The following SYT1 variants were observed in gnomAD, a reference collection of about 807,000 sequenced individuals.
SYT1 encodes the protein synaptotagmin-1.
SYT1 carries 8 observed loss-of-function variants against 44.8 expected under a neutral mutation model. The ratio of observed to expected loss-of-function variants is 0.18; its 90% CI spans 0.10 to 0.32. The LOEUF is 0.32. Among genes scored for constraint, SYT1 ranks in the 10% least tolerant of loss-of-function variants. The probability of loss-of-function intolerance (pLI) is 1.00; values close to 1 mark genes in which losing one functional copy is unlikely to be tolerated. For synonymous variants in SYT1, 154 were observed against 188.8 expected (o/e 0.82, Z 1.51); for missense variants, 286 against 509.3 (o/e 0.56, Z 4.22).
chr12:78,982,010 AT>A (rs1166427022), intron 2 of SYT1, among the ~76,000 whole-genome samples: 1 of 152,146 alleles, frequency 6.6e-6, no homozygotes, highest in Non-Finnish European at 1.5e-5. Flanking sequence ...TTGTTCCTCT[AT>A]TCTGCTGATT....
At chr12:78,885,425 A>G (rs1874693686) in intron 1 of SYT1, among the ~76,000 whole-genome samples, 1 of 151,992 alleles carries the variant, frequency 6.6e-6, no homozygotes, top group African/African-American at 2.4e-5. Context: ...GGTGCTATTA[A>G]TAAGCTTTAT....
At chr12:79,041,757 G>A (rs1873596777) in intron 2 of SYT1, among the ~76,000 whole-genome samples, 1 of 150,694 alleles carries the variant, frequency 6.6e-6, no homozygotes, top group African/African-American at 2.4e-5. Context: ...TATTGGCTGT[G>A]GGTTTGTCAT....
At chr12:79,007,930 G>A (rs1317640924) in intron 2 of SYT1, among the ~76,000 whole-genome samples, 2 of 152,026 alleles carry the variant, frequency 1.3e-5, no homozygotes, top group Non-Finnish European at 2.9e-5. Context: ...CTAAGTGTCT[G>A]GCACTGGTTT....
intron 3 of SYT1, among the ~76,000 whole-genome samples, chr12:79,147,757 C>G (rs1467226726): frequency 6.6e-6 from 1 of 152,028 alleles, no homozygotes; most frequent in Non-Finnish European, 1.5e-5. Context: ...CTGAGATTAC[C>G]TACAGGAAGA....
intron 2 of SYT1, among the ~76,000 whole-genome samples, chr12:78,987,105 G>C (rs1180050462): frequency 2.0e-5 from 3 of 152,012 alleles, no homozygotes; most frequent in Non-Finnish European, 4.4e-5. Context: ...ATATTCTGCT[G>C]TTTGTTTGCA....
intron 3 of SYT1, among the ~76,000 whole-genome samples, chr12:79,193,663 G>A (rs1873264588): frequency 6.6e-6 from 1 of 152,012 alleles, no homozygotes. Flanking sequence ...AGCAGTTCAA[G>A]GCTGCAGTGA....
intron 1 of SYT1, among the ~76,000 whole-genome samples, chr12:78,885,031 T>C (rs1226071031): frequency 1.1e-4 from 17 of 151,950 alleles, no homozygotes; most frequent in Non-Finnish European, 1.6e-4. Context: ...AGAGAAATGA[T>C]ACTATTTGCT....
At chr12:79,336,914 A>C in intron 8 of SYT1, among the ~76,000 whole-genome samples, 1 of 151,892 alleles carries the variant, frequency 6.6e-6, no homozygotes, top group East Asian at 1.9e-4. Context: ...TGATTTCAAG[A>C]GATCTTCTGC....
intron 1 of SYT1, among the ~76,000 whole-genome samples, chr12:78,872,847 T>C (rs1873890473): frequency 6.6e-6 from 1 of 151,778 alleles, no homozygotes; most frequent in Admixed American, 6.6e-5. Context: ...AATTTGTTTA[T>C]GTAATTGGCA....
intron 2 of SYT1, among the ~76,000 whole-genome samples, chr12:78,985,141 AT>A (rs939055556): frequency 4.6e-5 from 7 of 151,848 alleles, no homozygotes; most frequent in South Asian, 2.1e-4. Context: ...TTTATTCTTG[AT>A]TTTTTTTAAA....
intron 2 of SYT1, among the ~76,000 whole-genome samples, chr12:79,041,345 C>T (rs1414612110): frequency 2.6e-5 from 4 of 152,010 alleles, no homozygotes; most frequent in East Asian, 3.9e-4. Context: ...TTCACATCCC[C>T]TGTAAGTTGG....
intron 4 of SYT1, among the ~76,000 whole-genome samples, chr12:79,219,328 C>T (rs1334903611): frequency 6.6e-6 from 1 of 151,812 alleles, no homozygotes; most frequent in Non-Finnish European, 1.5e-5. Context: ...TGATTGTTTC[C>T]TCTCCTGTGC....
At chr12:78,946,510 C>T (rs1199878227) in intron 1 of SYT1, among the ~76,000 whole-genome samples, 1 of 151,872 alleles carries the variant, frequency 6.6e-6, no homozygotes, top group Admixed American at 6.6e-5. Flanking sequence ...CAGAAATTAG[C>T]CAGGTGTGGT....
chr12:78,926,216 G>A (rs946689136), intron 1 of SYT1, among the ~76,000 whole-genome samples: 4 of 152,024 alleles, frequency 2.6e-5, no homozygotes, highest in African/African-American at 9.7e-5. Context: ...ATTAAGTCAT[G>A]CTCTGCAAGG....
At chr12:78,973,930 AAAAAAAAAATATATATAT>A (rs1868581580) in intron 1 of SYT1, among the ~76,000 whole-genome samples, 2 of 42,568 alleles carry the variant, frequency 4.7e-5, no homozygotes, top group African/African-American at 1.0e-4. Flanking sequence ...AAAAAAAAAA[AAAAAAAAAATATATATAT>A]ATATATATAT....
chr12:79,082,807 A>T (rs954569530), intron 3 of SYT1, among the ~76,000 whole-genome samples: 21 of 152,130 alleles, frequency 1.4e-4, no homozygotes. Context: ...GCCCCAGTGC[A>T]TGTGTTAGAT....
At chr12:79,014,679 A>C (rs376028371) in intron 2 of SYT1, among the ~76,000 whole-genome samples, 3,107 of 152,294 alleles carry the variant, frequency 0.02, 110 homozygotes, top group African/African-American at 0.071. Context: ...TAGAACTAGA[A>C]ATACCATTTG....
intron 8 of SYT1, among the ~76,000 whole-genome samples, chr12:79,343,816 C>A (rs1592984236): frequency 1.3e-5 from 2 of 151,944 alleles, no homozygotes; most frequent in Admixed American, 6.6e-5. Context: ...AATAGAAGGT[C>A]TAATATTGTC....
chr12:79,330,822 G>T (rs1334836583), intron 8 of SYT1, among the ~76,000 whole-genome samples: 1 of 152,100 alleles, frequency 6.6e-6, no homozygotes, highest in Non-Finnish European at 1.5e-5. Flanking sequence ...GGTCCATAAG[G>T]TTTAAGAATA....
Sources: gnomAD v4.1 joint callset for allele counts (sites outside exome capture counted in the v4.1 genomes callset) on GRCh38, gnomAD v4.1.1 for gene constraint, MANE v1.5 for transcripts, NCBI Gene and HGNC (gene_info 2026-07-23, HGNC 2026-07-21) for gene names.